Variants in HIP1R observed in about 807,000 individuals in gnomAD.
HIP1R encodes huntingtin-interacting protein 1-related protein.
HIP1R carries 135 observed loss-of-function variants against 144.2 expected under a neutral mutation model. The observed-to-expected ratio is 0.94, with a 90% confidence interval of 0.81 to 1.08. HIP1R has a LOEUF of 1.08. Among genes scored for constraint, HIP1R ranks in the 50% least tolerant of loss-of-function variants. The probability of loss-of-function intolerance (pLI) is 0.00; values close to 1 mark genes in which losing one functional copy is unlikely to be tolerated. For synonymous variants in HIP1R, 698 were observed against 612.8 expected (o/e 1.14, Z -2.05); for missense variants, 1,462 against 1,432.8 (o/e 1.02, Z -0.33).
chr12:122,848,062 A>T lies in HIP1R; in HGVS notation c.125A>T (p.Gln42Leu). The change falls in exon 2 of 32, where the codon CAG becomes CTG. Residue 42 changes from glutamine (Q) to leucine (L), a missense_variant. Physicochemically the swap from Gln to Leu is moderately radical, Grantham distance 113 (BLOSUM62 -2). Coordinates refer to ENST00000253083, the MANE Select transcript of HIP1R (RefSeq NM_003959.3). ...AISISKAINT[Q>L]EAPVKEKHAR... ...AGCATCAGCAAAGCCATCAACACCC[A>T]GGAGGCCCCCGTGAAGGAGAAGCAC... 1.2e-6 allele frequency: 2 copies of T among 1,613,624 alleles called. No individual in the cohort carries two copies. Among genetic ancestry groups the T allele is most frequent in the Non-Finnish European group, 1.7e-6 (2 of 1,179,958 alleles).
In HIP1R at chr12:122,860,094, CGGGG is replaced by C; in HGVS notation, c.2496+21_2496+24del. On this transcript the variant is annotated intron_variant, in intron 25 of 31. Transcript: ENST00000253083. ...CTGATGAAGGTGAGGGGCTGTGACC[CGGGG>C]GGGTCTGCACCTGGAGGGCCACCAG... The C allele has an allele frequency of 6.3e-7, 1 of 1,578,530 alleles. No individual in the cohort carries two copies. The highest frequency in any genetic ancestry group is 2.2e-5 in the East Asian group (1 of 44,556).
intron 4 of HIP1R, among the ~76,000 whole-genome samples, chr12:122,849,462 TC>T (rs373946696): frequency 1.3e-5 from 2 of 152,336 alleles, no homozygotes; most frequent in African/African-American, 4.8e-5. Context: ...CGGACTCACT[TC>T]CCTTGAAGCG....
Position 122,846,951 on chromosome 12 carries a change from C to T in HIP1R, c.94-1080C>T, listed in dbSNP as rs137965678. ...GGTGTCTGGGGAGAAGGCGCAGGAG[C>T]GCTGCACTGTCCTGCAAGCCGGCTC... On this transcript the variant is annotated intron_variant, in intron 1 of 31. Transcript: ENST00000253083. 1.1e-3 allele frequency among the ~76,000 whole-genome samples: 175 copies of T among 152,308 alleles called. 1 individual carries two copies. Among genetic ancestry groups the T allele is most frequent in the Non-Finnish European group, 1.8e-3 (121 of 68,026 alleles).
Position 122,861,399 on chromosome 12 carries a change from C to T in HIP1R, c.3044C>T (p.Ser1015Leu). 6.2e-7 allele frequency: 1 copy of T among 1,613,494 alleles called. No individual in the cohort carries two copies. The highest frequency in any genetic ancestry group is 1.1e-5 in the South Asian group (1 of 91,076). ...CAACACTACGTGCTGGCTGGGGCAT[C>T]AGGCAGCCCTGGAGAGGAGGTGGCC... Reference protein sequence around the residue: ...RKQHYVLAGASGSPGEEVAIR... With the variant: ...RKQHYVLAGALGSPGEEVAIR... The change falls in exon 31 of 32, where the codon TCA (serine) becomes TTA (leucine). Residue 1015 changes from serine (S) to leucine (L), a missense_variant. Ser to Leu is a moderately radical substitution (Grantham distance 145). Coordinates refer to ENST00000253083, the MANE Select transcript of HIP1R (RefSeq NM_003959.3).
intron 26 of HIP1R, 75 bp downstream of exon 26, chr12:122,860,285 C>A: frequency 1.3e-6 from 2 of 1,528,886 alleles, no homozygotes; most frequent in Non-Finnish European, 1.8e-6. Context: ...GGGCATGAGA[C>A]CCTCCACCCC....
Position 122,859,065 on chromosome 12 carries a change from C to T in HIP1R, c.2163C>T (p.Leu721=). 2 of 1,606,582 alleles carry T rather than the reference C, an allele frequency of 1.2e-6. No homozygotes were observed. Among genetic ancestry groups the T allele is most frequent in the Non-Finnish European group, 1.7e-6 (2 of 1,177,114 alleles). ...CACGGTCCTTTCTCACCCCAGGCCT[C>T]ATAGACACCTGCAGGGAGTGCGGGG... ...HLAPTDPADR[L]IDTCRECGAR... Residue 721 remains leucine (L), a synonymous_variant, in exon 22 of 32, where the codon CTC becomes CTT. Coordinates refer to ENST00000253083, the MANE Select transcript of HIP1R (RefSeq NM_003959.3).
rs1449073549 is a variant in HIP1R, at chr12:122,858,557, GCCCCCT to G, written c.2050+123_2050+128del. ...GACCTCTCTGGGAAGCCAAGCAGAT[GCCCCCT>G]GCCTGCTCCTTCCCAGGAACCCACC... On this transcript the variant is annotated intron_variant, in intron 20 of 31. Transcript: ENST00000253083. 1.4e-4 allele frequency: 107 copies of G among 792,442 alleles called. No homozygotes were observed. The African/African-American group carries it at 1.7e-3, about 13-fold the overall frequency. The allele number at this position is 792,442 out of a possible 1,614,324, so 49.1% of individuals were successfully genotyped here.
In HIP1R at chr12:122,856,182, A is replaced by T. The variant is rs1459792479; in HGVS notation, c.1312+19A>T. The T allele has an allele frequency of 1.2e-6, 2 of 1,610,244 alleles. No individual in the cohort carries two copies. ...GCTGAGAGTACGTGGGGCCTTGGCC[A>T]CAGGGGTCCAAGGGTGTGTCCCCAG... On this transcript the variant is annotated intron_variant, in intron 14 of 31. Coordinates refer to ENST00000253083, the MANE Select transcript of HIP1R (RefSeq NM_003959.3).
At position 122,862,829 on chromosome 12, in the gene HIP1R, G is replaced by A. The variant is rs1399636508; in HGVS notation, c.*1076G>A. The A allele has an allele frequency of 6.6e-6, 1 of 152,142 alleles. No individual in the cohort carries two copies. The highest frequency in any genetic ancestry group is 2.4e-5 in the African/African-American group (1 of 41,416). 9.4% of individuals were successfully genotyped at this position (152,142 alleles called of 1,614,324 possible). A position where few individuals can be genotyped will look rare whatever the true frequency, so the allele number is the denominator to read the frequency against. On this transcript the variant is annotated 3_prime_UTR_variant, in exon 32 of 32. Coordinates refer to ENST00000253083, the MANE Select transcript of HIP1R (RefSeq NM_003959.3). ...CCTTTAGCCTTTCACCCTGTGCTCT[G>A]GAAAGGCTACCAAATACTGGCCAAG...
chr12:122,861,847 C>A lies in HIP1R; in HGVS notation c.*94C>A, dbSNP rs1206808002. On this transcript the variant is annotated 3_prime_UTR_variant, in exon 32 of 32. Coordinates refer to ENST00000253083, the MANE Select transcript of HIP1R (RefSeq NM_003959.3). ...AGAGGCCTTGCCCCTCCACCTGGTG[C>A]CCAAGCCTCCCGCCCCACCGTCTGG... The A allele has an allele frequency of 3.5e-6, 4 of 1,141,828 alleles. No individual in the cohort carries two copies. Among genetic ancestry groups the A allele is most frequent in the Non-Finnish European group, 5.1e-6 (4 of 779,028 alleles). The allele number at this position is 1,141,828 out of a possible 1,614,324, so 70.7% of individuals were successfully genotyped here. A position where few individuals can be genotyped will look rare whatever the true frequency, so the allele number is the denominator to read the frequency against.
chr12:122,859,198 G>T lies in HIP1R; in HGVS notation c.2295+1G>T. On this transcript the variant is annotated splice_donor_variant, in intron 22 of 31. Coordinates refer to ENST00000253083, the MANE Select transcript of HIP1R (RefSeq NM_003959.3). LOFTEE classifies it high-confidence loss of function. ...GCAGGGCATCCTTCAGCTGGGCCAGGTGAGGCACAGCTGAGTGTGGGTTTG... is the reference window on the plus strand; with the variant it reads ...GCAGGGCATCCTTCAGCTGGGCCAGTTGAGGCACAGCTGAGTGTGGGTTTG... 1 of 1,570,198 alleles carries T rather than the reference G, an allele frequency of 6.4e-7. No homozygotes were observed.
chr12:122,861,274 G>A lies in HIP1R; in HGVS notation c.2953-34G>A, dbSNP rs1489565665. On this transcript the variant is annotated intron_variant, in intron 30 of 31. Transcript: ENST00000253083. ...ACCCAGGAGAGAGCTCCCTGGGGAG[G>A]CTGGGCTGGGCTGAGCAGGCCGTGT... The A allele has an allele frequency of 3.7e-6, 6 of 1,613,360 alleles. No homozygotes were observed. In the African/African-American group the frequency reaches 4.0e-5, roughly 11 times the overall value.
At chr12:122,845,840 G>A (rs1337835479) in intron 1 of HIP1R, among the ~76,000 whole-genome samples, 2 of 152,156 alleles carry the variant, frequency 1.3e-5, no homozygotes, top group South Asian at 2.1e-4. Context: ...CTGGGGACAC[G>A]GGTGGCTGCA....
At chr12:122,857,294 T>C (rs1464674410) in intron 18 of HIP1R, 79 bp downstream of exon 18, 2 of 1,293,164 alleles carry the variant, frequency 1.5e-6, no homozygotes, top group African/African-American at 2.9e-5. Flanking sequence ...GTGATCTGCC[T>C]GTTCTAGAGA....
chr12:122,852,698 C>T (rs771902932), intron 7 of HIP1R, among the ~76,000 whole-genome samples: 2 of 152,190 alleles, frequency 1.3e-5, no homozygotes, highest in Non-Finnish European at 2.9e-5. Flanking sequence ...GCAGAGGCTG[C>T]GTCTCGCTGT....
chr12:122,835,610 G>T lies in HIP1R; in HGVS notation c.60G>T (p.Leu20=). ...TGAGCCGCAGGCCGGGCCACAGCCTGGAGGCCGAGCGCGAGCAGTTCGACA... is the reference window on the plus strand; with the variant it reads ...TGAGCCGCAGGCCGGGCCACAGCCTTGAGGCCGAGCGCGAGCAGTTCGACA... ...RVLSRRPGHS[L]EAEREQFDKT... Residue 20 remains leucine (L), a synonymous_variant, in exon 1 of 32, where the codon CTG becomes CTT. Coordinates refer to ENST00000253083, the MANE Select transcript of HIP1R (RefSeq NM_003959.3). The T allele has an allele frequency of 7.6e-7, 1 of 1,321,232 alleles. No individual in the cohort carries two copies. The highest frequency in any genetic ancestry group is 9.7e-7 in the Non-Finnish European group (1 of 1,027,368). 81.8% of individuals were successfully genotyped at this position (1,321,232 alleles called of 1,614,324 possible).
At chr12:122,856,368 C>T (rs1332323793) in intron 15 of HIP1R, 24 bp downstream of exon 15, 1 of 1,612,960 alleles carries the variant, frequency 6.2e-7, no homozygotes. Flanking sequence ...ATCCTCCATC[C>T]CAGCCGGTGG....
chr12:122,861,711 C>T lies in HIP1R; in HGVS notation c.3165C>T (p.Asp1055=). Residue 1055 remains aspartate (D), a synonymous_variant, in exon 32 of 32, where the codon GAC becomes GAT. Transcript: ENST00000253083. The part of the protein sequence containing the change: ...SVAPRQDHQL[D]KKDGIYPAQL... ...CCCACCTTTAACCCCTGCAGCTTGACAAAAAGGATGGCATCTACCCAGCTC... is the reference window on the plus strand; with the variant it reads ...CCCACCTTTAACCCCTGCAGCTTGATAAAAAGGATGGCATCTACCCAGCTC... The T allele has an allele frequency of 1.2e-6, 2 of 1,614,080 alleles. No homozygotes were observed. The highest frequency in any genetic ancestry group is 2.2e-5 in the East Asian group (1 of 44,880).
intron 7 of HIP1R, among the ~76,000 whole-genome samples, chr12:122,851,643 C>T (rs921874042): frequency 1.5e-4 from 23 of 151,662 alleles, no homozygotes; most frequent in Admixed American, 5.9e-4. Flanking sequence ...GAGATCATGC[C>T]GCTACACTCC....
Sources: allele counts gnomAD v4.1 joint callset (sites outside exome capture counted in the v4.1 genomes callset), GRCh38; gene constraint gnomAD v4.1.1; transcripts MANE v1.5; gene names NCBI Gene and HGNC (gene_info 2026-07-23, HGNC 2026-07-21).